Variants in KCNQ5 observed in about 807,000 individuals in gnomAD.
The protein encoded by KCNQ5 is potassium voltage-gated channel subfamily Q member 5, also known as potassium voltage-gated channel subfamily KQT member 5.
Under a neutral mutation model 98.2 loss-of-function variants are expected in KCNQ5, and 30 were observed. The ratio of observed to expected loss-of-function variants is 0.31; its 90% CI spans 0.23 to 0.41. The LOEUF is 0.41. Ranked by LOEUF, KCNQ5 falls within the 10% of genes least tolerant of loss-of-function variation. KCNQ5 has a pLI of 1.00. For synonymous variants in KCNQ5, 458 were observed against 449.4 expected (o/e 1.02, Z -0.24); for missense variants, 835 against 1,182.5 (o/e 0.71, Z 4.31).
intron 3 of KCNQ5, chr6:73,055,975 G>A: frequency 2.5e-6 from 1 of 399,838 alleles, no homozygotes; most frequent in Non-Finnish European, 4.8e-6. Flanking sequence ...GGGGACCGGT[G>A]GCTCCCATTT....
chr6:72,705,290 G>A (rs528852545), intron 1 of KCNQ5, among the ~76,000 whole-genome samples: 7 of 152,250 alleles, frequency 4.6e-5, no homozygotes, highest in Non-Finnish European at 8.8e-5. Flanking sequence ...TTATCAATAG[G>A]TTAAACCGCA....
intron 1 of KCNQ5, among the ~76,000 whole-genome samples, chr6:72,736,139 A>C (rs117989428): frequency 1.8e-3 from 280 of 152,162 alleles, no homozygotes; most frequent in Middle Eastern, 3.4e-3. Context: ...TTTTAACATA[A>C]GATTTGTGAC....
At chr6:73,020,100 G>A (rs1397676883) in intron 2 of KCNQ5, among the ~76,000 whole-genome samples, 1 of 152,118 alleles carries the variant, frequency 6.6e-6, no homozygotes, top group African/African-American at 2.4e-5. Flanking sequence ...GTTTTAGAGT[G>A]GACACCAGCT....
In KCNQ5 at chr6:73,077,324, A is replaced by G. The variant is rs1333102358; in HGVS notation, c.619A>G (p.Thr207Ala). The G allele has an allele frequency of 1.9e-6, 3 of 1,612,044 alleles. No homozygotes were observed. Among genetic ancestry groups the G allele is most frequent in the African/African-American group, 2.7e-5 (2 of 74,816 alleles). ...CTATTTCGACCTGTTTCTTTCAGAT[A>G]CCATTGTTCTTATCGCTTCAATAGC... ...FARKPFCVID[T>A]IVLIASIAVV... The change falls in exon 4 of 14, where the codon ACC becomes GCC. Residue 207 changes from threonine to alanine, a missense_variant and splice_region_variant. Around this residue, in one of 10 missense-constraint regions of KCNQ5, gnomAD observed 48 missense variants for 112.1 expected, o/e 0.43. Transcript: ENST00000370398.
intron 1 of KCNQ5, among the ~76,000 whole-genome samples, chr6:72,718,230 A>G (rs1293238167): frequency 1.3e-5 from 2 of 152,126 alleles, no homozygotes; most frequent in Non-Finnish European, 2.9e-5. Flanking sequence ...GAAATCCATG[A>G]TCTTCTAAGA....
chr6:73,194,760 G>A lies in KCNQ5; in HGVS notation c.2145G>A (p.Gln715=). 1.2e-6 allele frequency: 2 copies of A among 1,614,212 alleles called. No homozygotes were observed. Among genetic ancestry groups the A allele is most frequent in the Non-Finnish European group, 1.7e-6 (2 of 1,180,032 alleles). The change falls in exon 14 of 14, where the codon CAG becomes CAA. Residue 715 remains glutamine (Q), a synonymous_variant. Coordinates refer to ENST00000370398, the MANE Select transcript of KCNQ5 (RefSeq NM_019842.4). ...CTACTATGCACAGTCAAGCAACACAGGTGCCAATTAGTCAAAGCGATGGCT... is the reference window on the plus strand; with the variant it reads ...CTACTATGCACAGTCAAGCAACACAAGTGCCAATTAGTCAAAGCGATGGCT... The part of the protein sequence containing the change: ...LSPTMHSQAT[Q]VPISQSDGSA...
At chr6:73,074,066 A>G (rs34388126) in intron 3 of KCNQ5, among the ~76,000 whole-genome samples, 2,672 of 152,284 alleles carry the variant, frequency 0.018, 36 homozygotes, top group Non-Finnish European at 0.029. Flanking sequence ...GCCAACTTTT[A>G]AGTGTTTTTT....
intron 3 of KCNQ5, among the ~76,000 whole-genome samples, chr6:73,059,042 A>C (rs1181216663): frequency 6.6e-6 from 1 of 152,216 alleles, no homozygotes; most frequent in Non-Finnish European, 1.5e-5. Flanking sequence ...TTACCATTTG[A>C]CCCAGTAATC....
intron 1 of KCNQ5, among the ~76,000 whole-genome samples, chr6:72,978,438 G>T (rs1582126156): frequency 1.3e-5 from 2 of 152,188 alleles, no homozygotes; most frequent in Admixed American, 1.3e-4. Flanking sequence ...CTATCAAGAA[G>T]CAGAGCCTTT....
At position 73,195,136 on chromosome 6, in the gene KCNQ5, G is replaced by A; in HGVS notation, c.2521G>A (p.Glu841Lys). The change falls in exon 14 of 14, where the codon GAA becomes AAA. Residue 841 changes from glutamate to lysine, a missense_variant. Coordinates refer to ENST00000370398, the MANE Select transcript of KCNQ5 (RefSeq NM_019842.4). The stretch of plus-strand genomic sequence containing the variant: ...GCAAAACCTGATCAGGTCGACCGAG[G>A]AACTGAATATACAACTTTCAGGGAG... ...SVQNLIRSTEELNIQLSGSES... is the reference protein window; with the variant it reads ...SVQNLIRSTEKLNIQLSGSES... 6.2e-7 allele frequency: 1 copy of A among 1,614,192 alleles called. No homozygotes were observed. The highest frequency in any genetic ancestry group is 8.5e-7 in the Non-Finnish European group (1 of 1,180,036).
intron 1 of KCNQ5, among the ~76,000 whole-genome samples, chr6:72,949,305 C>A (rs1228307125): frequency 6.6e-6 from 1 of 152,078 alleles, no homozygotes; most frequent in Non-Finnish European, 1.5e-5. Flanking sequence ...CCAAAGGGTG[C>A]AAAATAGAAT....
At chr6:73,074,854 C>G (rs1388140854) in intron 3 of KCNQ5, among the ~76,000 whole-genome samples, 3 of 151,060 alleles carry the variant, frequency 2.0e-5, no homozygotes, top group Non-Finnish European at 2.9e-5. Flanking sequence ...GTACTTATTT[C>G]TAGTATTTCC....
chr6:73,045,204 T>C (rs1771906918), intron 3 of KCNQ5, among the ~76,000 whole-genome samples: 1 of 152,194 alleles, frequency 6.6e-6, no homozygotes, highest in East Asian at 1.9e-4. Context: ...CCCACTGATC[T>C]CACAAATCCT....
intron 1 of KCNQ5, among the ~76,000 whole-genome samples, chr6:72,889,826 A>T (rs781183202): frequency 6.6e-6 from 1 of 152,246 alleles, no homozygotes; most frequent in African/African-American, 2.4e-5. Flanking sequence ...CCTAGAAAAC[A>T]TGTACATCCA....
At chr6:73,027,804 A>G (rs1298301070) in intron 2 of KCNQ5, among the ~76,000 whole-genome samples, 5 of 152,132 alleles carry the variant, frequency 3.3e-5, no homozygotes, top group Admixed American at 6.5e-5. Context: ...GAGTCTGAAT[A>G]GAAGTGATGA....
chr6:73,028,389 T>C (rs1271518471), intron 2 of KCNQ5, among the ~76,000 whole-genome samples: 2 of 152,210 alleles, frequency 1.3e-5, no homozygotes, highest in Non-Finnish European at 2.9e-5. Flanking sequence ...TTGTTTCCTT[T>C]ACAGCTTAGG....
At chr6:73,067,884 AT>A (rs1562159066) in intron 3 of KCNQ5, among the ~76,000 whole-genome samples, 3,930 of 56,660 alleles carry the variant, frequency 0.069, 84 homozygotes, top group Non-Finnish European at 0.11. Flanking sequence ...ATATATATAT[AT>A]ATATATATAT....
At chr6:72,910,607 G>GTGT (rs1562062232) in intron 1 of KCNQ5, among the ~76,000 whole-genome samples, 1 of 84,142 alleles carries the variant, frequency 1.2e-5, no homozygotes, top group East Asian at 3.3e-4. Flanking sequence ...TGTGTGTGTG[G>GTGT]CTGATAAATT....
At chr6:73,178,386 GA>G (rs1397870884) in intron 11 of KCNQ5, among the ~76,000 whole-genome samples, 2 of 150,560 alleles carry the variant, frequency 1.3e-5, no homozygotes, top group South Asian at 2.1e-4. Context: ...CCAGGAGTTT[GA>G]AACCAGCCTG....
Sources: gnomAD v4.1 joint callset for allele counts (sites outside exome capture counted in the v4.1 genomes callset) on GRCh38, gnomAD v4.1.1 for gene constraint, gnomAD v4.1.1 regional missense constraint, MANE v1.5 for transcripts, NCBI Gene and HGNC (gene_info 2026-07-23, HGNC 2026-07-21) for gene names.